ATXN2: variants seen among roughly 807,000 people sequenced by gnomAD.
ATXN2 encodes the protein ataxin-2.
ATXN2 carries 37 observed loss-of-function variants against 138.6 expected under a neutral mutation model. The ratio of observed to expected loss-of-function variants is 0.27; its 90% CI spans 0.21 to 0.35. The LOEUF (loss-of-function observed/expected upper bound fraction) is 0.35. Ranked by LOEUF, ATXN2 falls within the 10% of genes least tolerant of loss-of-function variation. The pLI, the probability that ATXN2 is intolerant of heterozygous loss-of-function variation, is 1.00. For synonymous variants in ATXN2, 549 were observed against 543.7 expected, an observed-to-expected ratio of 1.01 and a Z score of -0.13; for missense variants, 1,216 against 1,480.3, an observed-to-expected ratio of 0.82 and a Z score of 2.93.
chr12:111,561,303 G>C (rs1882676617), intron 1 of ATXN2, among the ~76,000 whole-genome samples: 1 of 150,588 alleles, frequency 6.6e-6, no homozygotes, highest in African/African-American at 2.4e-5. Flanking sequence ...AGACCAGCCT[G>C]GCAACATGCT....
chr12:111,596,598 A>T (rs1391541310), intron 1 of ATXN2, among the ~76,000 whole-genome samples: 1 of 152,204 alleles, frequency 6.6e-6, no homozygotes, highest in African/African-American at 2.4e-5. Flanking sequence ...AAAGTGATTC[A>T]AATTCAAAGT....
At chr12:111,498,689 T>C (rs1396326988) in intron 14 of ATXN2, among the ~76,000 whole-genome samples, 1 of 152,128 alleles carries the variant, frequency 6.6e-6, no homozygotes, top group African/African-American at 2.4e-5. Context: ...ACCAATGACA[T>C]TCCTCACAGA....
At chr12:111,522,315 C>A (rs1019854714) in intron 6 of ATXN2, among the ~76,000 whole-genome samples, 1 of 151,600 alleles carries the variant, frequency 6.6e-6, no homozygotes, top group African/African-American at 2.4e-5. Flanking sequence ...TAAATAACTA[C>A]TATTAAGAGT....
intron 21 of ATXN2, among the ~76,000 whole-genome samples, chr12:111,461,854 G>A (rs377169185): frequency 1.6e-4 from 25 of 151,832 alleles, no homozygotes; most frequent in African/African-American, 5.6e-4. Context: ...CCTAGGAGGC[G>A]GAGGTTGCAG....
chr12:111,506,263 G>C (rs1445778211), intron 14 of ATXN2, among the ~76,000 whole-genome samples: 1 of 152,140 alleles, frequency 6.6e-6, no homozygotes, highest in Non-Finnish European at 1.5e-5. Flanking sequence ...GTTTCTTTTG[G>C]GGGTGAAGAG....
At chr12:111,545,555 C>A (rs1023523850) in intron 5 of ATXN2, among the ~76,000 whole-genome samples, 13 of 151,236 alleles carry the variant, frequency 8.6e-5, no homozygotes, top group African/African-American at 3.2e-4. Flanking sequence ...CAGACCGAGA[C>A]TCCATCTAAA....
chr12:111,558,111 A>G (rs911024954), intron 1 of ATXN2, among the ~76,000 whole-genome samples: 1 of 152,210 alleles, frequency 6.6e-6, no homozygotes, highest in African/African-American at 2.4e-5. Context: ...GGAAAATATT[A>G]TCATATAAAA....
At chr12:111,479,722 T>G (rs543981361) in intron 18 of ATXN2, among the ~76,000 whole-genome samples, 2 of 152,224 alleles carry the variant, frequency 1.3e-5, no homozygotes, top group South Asian at 4.2e-4. Context: ...TGCTATTTTT[T>G]TTTGTTTTGT....
At chr12:111,556,082 A>G (rs593226) in intron 1 of ATXN2, among the ~76,000 whole-genome samples, 163 bp from the exon 2 acceptor site, 66,357 of 152,064 alleles carry the variant, frequency 0.44, 19,431 homozygotes, top group East Asian at 0.94. Flanking sequence ...GGCTCTACCT[A>G]TGCACTGCTT....
intron 20 of ATXN2, among the ~76,000 whole-genome samples, chr12:111,465,767 CAAAAAAAAAAA>C (rs61456193): frequency 8.3e-5 from 3 of 36,272 alleles, no homozygotes; most frequent in Non-Finnish European, 2.3e-4. Context: ...GAGACTACCT[CAAAAAAAAAAA>C]AAAAAAAAAA....
At chr12:111,568,010 C>T (rs1171231093) in intron 1 of ATXN2, among the ~76,000 whole-genome samples, 4 of 152,110 alleles carry the variant, frequency 2.6e-5, no homozygotes, top group Non-Finnish European at 4.4e-5. Context: ...CCTGTAATCC[C>T]GGCACTTTGG....
At chr12:111,483,479 G>A (rs1422939536) in intron 18 of ATXN2, among the ~76,000 whole-genome samples, 2 of 133,084 alleles carry the variant, frequency 1.5e-5, no homozygotes. Context: ...TTTTTGGACG[G>A]AGTCTCGCTC....
intron 5 of ATXN2, among the ~76,000 whole-genome samples, chr12:111,528,221 T>C (rs930552783): frequency 2.6e-5 from 4 of 152,256 alleles, no homozygotes; most frequent in Admixed American, 6.5e-5. Flanking sequence ...TCGAAGCAGC[T>C]AGAGATTTTT....
chr12:111,596,377 A>ACG (rs1884943121), intron 1 of ATXN2, among the ~76,000 whole-genome samples: 1 of 151,846 alleles, frequency 6.6e-6, no homozygotes, highest in Non-Finnish European at 1.5e-5. Flanking sequence ...AACTATTCAC[A>ACG]CACACACACA....
intron 1 of ATXN2, among the ~76,000 whole-genome samples, chr12:111,561,675 A>C (rs879705605): frequency 6.6e-6 from 1 of 151,928 alleles, no homozygotes; most frequent in Admixed American, 6.6e-5. Context: ...CTCTACTAAA[A>C]CTATAAAAAT....
chr12:111,519,913 A>T lies in ATXN2; in HGVS notation c.952T>A (p.Ser318Thr). Reference protein sequence around the residue: ...EEKYTAVQRNSSEREGHSINT... With the variant: ...EEKYTAVQRNTSEREGHSINT... ...ATGCTGTGCCCCTCACGTTCACTGG[A>T]ATTTCTCTGAACTGCTGTGTATTTT... Residue 318 changes from serine to threonine, a missense_variant, in exon 8 of 25, where the codon TCC (serine) becomes ACC (threonine). Coordinates refer to ENST00000673436, the MANE Select transcript of ATXN2 (RefSeq NM_001372574.1). 4 of 1,614,142 alleles carry T rather than the reference A, an allele frequency of 2.5e-6. No homozygotes were observed. The highest frequency in any genetic ancestry group is 3.4e-6 in the Non-Finnish European group (4 of 1,180,030).
At chr12:111,519,388 C>T (rs1880031936) in intron 8 of ATXN2, among the ~76,000 whole-genome samples, 1 of 152,162 alleles carries the variant, frequency 6.6e-6, no homozygotes, top group Admixed American at 6.5e-5. Context: ...TTTCTCATAG[C>T]CATGCTTGTA....
chr12:111,476,604 C>T (rs1045658574), intron 18 of ATXN2, among the ~76,000 whole-genome samples: 5 of 152,054 alleles, frequency 3.3e-5, no homozygotes, highest in Non-Finnish European at 7.4e-5. Flanking sequence ...TCTCTATTTA[C>T]GAATAAACAA....
At chr12:111,523,142 G>A (rs904211481) in intron 6 of ATXN2, among the ~76,000 whole-genome samples, 1 of 149,890 alleles carries the variant, frequency 6.7e-6, no homozygotes, top group Non-Finnish European at 1.5e-5. Flanking sequence ...AGCTGGGCAT[G>A]GTGGCAGCTA....
Sources: gnomAD v4.1 joint callset for allele counts (sites outside exome capture counted in the v4.1 genomes callset) on GRCh38, gnomAD v4.1.1 for gene constraint, MANE v1.5 for transcripts, NCBI Gene and HGNC (gene_info 2026-07-23, HGNC 2026-07-21) for gene names.